The following CNTNAP2 variants were observed in gnomAD, a reference collection of about 807,000 sequenced individuals.
CNTNAP2 encodes contactin associated protein 2.
In CNTNAP2, 98 loss-of-function variants were observed where a neutral mutation model predicts 155.2. That is an observed-to-expected ratio of 0.63 (90% confidence interval 0.54 to 0.75). CNTNAP2 has a LOEUF of 0.75. Among genes scored for constraint, CNTNAP2 ranks in the 30% least tolerant of loss-of-function variants. The pLI is 0.00. For synonymous variants in CNTNAP2, 651 were observed against 631.2 expected (o/e 1.03, Z -0.47); for missense variants, 1,727 against 1,688.1 (o/e 1.02, Z -0.40).
chr7:147,928,194 A>G lies in CNTNAP2; in HGVS notation c.2255+24473A>G, dbSNP rs146325996. On this transcript the variant is annotated intron_variant, in intron 14 of 23. Coordinates refer to ENST00000361727, the MANE Select transcript of CNTNAP2 (RefSeq NM_014141.6). The stretch of plus-strand genomic sequence containing the variant: ...CCTCCCTAGCCATGTGAAACTGTGA[A>G]CCCATTAAACCTCTTTTTCTTTATA... Among the ~76,000 whole-genome samples, 201 of 151,942 alleles carry G rather than the reference A, an allele frequency of 1.3e-3. 1 individual carries two copies. Among genetic ancestry groups the G allele is most frequent in the Non-Finnish European group, 1.8e-3 (123 of 67,978 alleles).
chr7:148,154,967 C>T (rs1049986658), intron 17 of CNTNAP2, among the ~76,000 whole-genome samples: 1 of 151,794 alleles, frequency 6.6e-6, no homozygotes, highest in African/African-American at 2.4e-5. Flanking sequence ...TCTCAAATTG[C>T]AGGAATTATA....
At chr7:146,202,146 A>T (rs1798873659) in intron 1 of CNTNAP2, among the ~76,000 whole-genome samples, 1 of 152,170 alleles carries the variant, frequency 6.6e-6, no homozygotes, top group African/African-American at 2.4e-5. Flanking sequence ...GGCTCACATC[A>T]CATCATGCCA....
At chr7:147,072,597 T>G (rs571822135) in intron 4 of CNTNAP2, among the ~76,000 whole-genome samples, 1 of 152,030 alleles carries the variant, frequency 6.6e-6, no homozygotes. Context: ...TCTGGGAGGA[T>G]TGAAGAGCTA....
At chr7:147,551,855 T>C (rs1799859291) in intron 11 of CNTNAP2, among the ~76,000 whole-genome samples, 2 of 152,220 alleles carry the variant, frequency 1.3e-5, no homozygotes, top group African/African-American at 2.4e-5. Context: ...TCACCAATAA[T>C]GTCTTCATTA....
chr7:147,781,069 C>T (rs1036287309), intron 13 of CNTNAP2, among the ~76,000 whole-genome samples: 18 of 152,164 alleles, frequency 1.2e-4, no homozygotes, highest in African/African-American at 3.9e-4. Flanking sequence ...CCTGGAGCTT[C>T]AGTAACTATT....
chr7:148,080,403 A>T (rs1198986103), intron 15 of CNTNAP2, among the ~76,000 whole-genome samples: 2 of 152,054 alleles, frequency 1.3e-5, no homozygotes, highest in Non-Finnish European at 2.9e-5. Flanking sequence ...CAGGAGATCG[A>T]GACCGTCCTG....
chr7:146,644,349 G>T (rs1409550984), intron 1 of CNTNAP2, among the ~76,000 whole-genome samples: 1 of 152,128 alleles, frequency 6.6e-6, no homozygotes, highest in Non-Finnish European at 1.5e-5. Context: ...AATTTATGGA[G>T]AGTTTTTAGC....
chr7:146,439,220 A>G lies in CNTNAP2; in HGVS notation c.97+322247A>G, dbSNP rs191833885. Among the ~76,000 whole-genome samples, 32 of 151,624 alleles carry G rather than the reference A, an allele frequency of 2.1e-4. No individual in the cohort carries two copies. The East Asian group carries it at 5.0e-3, about 24-fold the overall frequency. On this transcript the variant is annotated intron_variant, in intron 1 of 23. Coordinates refer to ENST00000361727, the MANE Select transcript of CNTNAP2 (RefSeq NM_014141.6). ...CCAGTGTTTAAGATATTCATTTTTT[A>G]AAAAACACTCTCTTCAATTTCAAAG...
chr7:147,598,923 T>C (rs1800883344), intron 12 of CNTNAP2, among the ~76,000 whole-genome samples: 1 of 152,190 alleles, frequency 6.6e-6, no homozygotes, highest in Non-Finnish European at 1.5e-5. Context: ...CTTCCCCTTC[T>C]GTGATGATTA....
intron 9 of CNTNAP2, among the ~76,000 whole-genome samples, chr7:147,304,250 G>A (rs767214363): frequency 6.6e-6 from 1 of 151,916 alleles, no homozygotes; most frequent in Non-Finnish European, 1.5e-5. Flanking sequence ...AAAGAGATCC[G>A]TTATTTGGCA....
At chr7:148,227,884 CGTGTGTGTGT>C (rs3057282) in intron 19 of CNTNAP2, among the ~76,000 whole-genome samples, 1,395 of 131,484 alleles carry the variant, frequency 0.011, 12 homozygotes, top group South Asian at 0.023. Flanking sequence ...AAGAGCACAG[CGTGTGTGTGT>C]GTGTGTGTGT....
At chr7:147,478,810 A>T (rs1169668165) in intron 10 of CNTNAP2, among the ~76,000 whole-genome samples, 1 of 152,236 alleles carries the variant, frequency 6.6e-6, no homozygotes, top group Non-Finnish European at 1.5e-5. Flanking sequence ...CTATGTCAAG[A>T]CATAAATTCT....
At chr7:146,231,279 A>G (rs1213530449) in intron 1 of CNTNAP2, among the ~76,000 whole-genome samples, 1 of 152,160 alleles carries the variant, frequency 6.6e-6, no homozygotes, top group Non-Finnish European at 1.5e-5. Flanking sequence ...CAGTTCAGAA[A>G]CAAGGTAAAG....
chr7:148,253,716 G>C (rs1796410880), intron 20 of CNTNAP2, among the ~76,000 whole-genome samples: 2 of 152,190 alleles, frequency 1.3e-5, no homozygotes, highest in Non-Finnish European at 2.9e-5. Flanking sequence ...TCTGTGCTCT[G>C]GGTGGCCCAT....
intron 18 of CNTNAP2, 99 bp from the exon 19 acceptor site, chr7:148,217,189 A>G (rs890349829): frequency 8.8e-7 from 1 of 1,130,888 alleles, no homozygotes; most frequent in Non-Finnish European, 1.3e-6. Context: ...CCCTTCCTGG[A>G]GCCAGTGCCT....
chr7:147,355,361 C>A (rs932334379), intron 9 of CNTNAP2, among the ~76,000 whole-genome samples: 16 of 151,884 alleles, frequency 1.1e-4, no homozygotes, highest in African/African-American at 3.6e-4. Context: ...AATCGGTATC[C>A]TAACGTTACA....
chr7:148,037,838 C>T (rs1209251232), intron 15 of CNTNAP2, among the ~76,000 whole-genome samples: 1 of 152,156 alleles, frequency 6.6e-6, no homozygotes, highest in African/African-American at 2.4e-5. Flanking sequence ...AATGTTTTGA[C>T]TTAAAAATTT....
chr7:148,152,997 G>C (rs1805330158), intron 17 of CNTNAP2, among the ~76,000 whole-genome samples: 2 of 135,072 alleles, frequency 1.5e-5, no homozygotes, highest in Admixed American at 1.7e-4. Flanking sequence ...CTCCAGCCTG[G>C]GTGACTGAGC....
At position 148,137,735 on chromosome 7, in the gene CNTNAP2, A is replaced by ATT. The variant is rs1422095450; in HGVS notation, c.2555-9756_2555-9755insTT. Among the ~76,000 whole-genome samples the ATT allele has an allele frequency of 6.0e-3, 878 of 145,532 alleles. 14 individuals are homozygous for ATT. Among genetic ancestry groups the ATT allele is most frequent in the African/African-American group, 0.021 (825 of 39,170 alleles). ...AAGGAAGGAAGGAAGGAAGGAAGGA[A>ATT]GGTTCTCCTTTCCTCTCTAATGTCT... On this transcript the variant is annotated intron_variant, in intron 16 of 23. Transcript: ENST00000361727.
Sources: allele counts gnomAD v4.1 joint callset (sites outside exome capture counted in the v4.1 genomes callset), GRCh38; gene constraint gnomAD v4.1.1; transcripts MANE v1.5; gene names NCBI Gene and HGNC (gene_info 2026-07-23, HGNC 2026-07-21).